Variants in ZFP62 observed in about 807,000 individuals in gnomAD.
ZFP62 encodes zinc finger protein 62 homolog.
A neutral mutation model predicts 56.4 loss-of-function variants in ZFP62; 44 were observed. That is an observed-to-expected ratio of 0.78 (90% CI 0.61 to 1.00). The LOEUF is 1.00. ZFP62 is among the 50% of genes least tolerant of loss of function. The pLI is 0.00. For synonymous variants in ZFP62, 421 were observed against 388.9 expected (o/e 1.08, Z -0.97); for missense variants, 1,030 against 1,085.7 (o/e 0.95, Z 0.72).
the ZFP62 span, among the ~76,000 whole-genome samples, chr5:180,842,189 C>G: frequency 2.6e-5 from 4 of 151,916 alleles, no homozygotes; most frequent in Admixed American, 2.0e-4. Context: ...CAGAATGAAG[C>G]CTGGGTAAGG....
At chr5:180,855,933 T>C (rs17141222) in intron 1 of ZFP62, among the ~76,000 whole-genome samples, 5,713 of 152,336 alleles carry the variant, frequency 0.038, 383 homozygotes, top group African/African-American at 0.13. Flanking sequence ...CTACTTACTG[T>C]GGCACCTAAA....
chr5:180,857,142 G>C (rs1488029942), intron 1 of ZFP62, among the ~76,000 whole-genome samples: 1 of 152,018 alleles, frequency 6.6e-6, no homozygotes, highest in Non-Finnish European at 1.5e-5. Context: ...GCAAAGACAA[G>C]GGCTGCAACC....
the ZFP62 span, among the ~76,000 whole-genome samples, chr5:180,839,037 A>G: frequency 4.6e-5 from 7 of 152,258 alleles, no homozygotes; most frequent in Admixed American, 1.3e-4. Context: ...TAAGTAAAGT[A>G]TGGTATAACT....
chr5:180,857,425 G>A (rs917667149), intron 1 of ZFP62, among the ~76,000 whole-genome samples: 1 of 152,202 alleles, frequency 6.6e-6, no homozygotes, highest in African/African-American at 2.4e-5. Flanking sequence ...ACCTCTGTTA[G>A]ATAATATCAA....
In ZFP62 at chr5:180,861,265, C is replaced by G; in HGVS notation, c.-46G>C. 7.5e-6 allele frequency: 3 copies of G among 397,560 alleles called. No individual in the cohort carries two copies. In the East Asian group the frequency reaches 1.1e-4, roughly 14 times the overall value. 24.6% of individuals were successfully genotyped at this position (397,560 alleles called of 1,614,324 possible). The stretch of plus-strand genomic sequence containing the variant: ...AACCCGGCCGCCAGCGGGACAAAAG[C>G]GCGGACCGCACGGCCGGAAGAACCC... On this transcript the variant is annotated 5_prime_UTR_variant, in exon 1 of 2. Transcript: ENST00000502412.
At chr5:180,827,732 T>C in the ZFP62 span, among the ~76,000 whole-genome samples, 2 of 152,150 alleles carry the variant, frequency 1.3e-5, no homozygotes, top group African/African-American at 4.8e-5. Flanking sequence ...GGCATGCCTC[T>C]TGCAGTTGAG....
rs1019450932 is a variant in ZFP62 at position 180,848,701 on chromosome 5, G to A, written c.*91C>T. ...CCTCTAGGATGGTTTCATTTACACT[G>A]TGTAAATTACAAGCCATGACCCCCT... On this transcript the variant is annotated 3_prime_UTR_variant, in exon 2 of 2. Transcript: ENST00000502412. 2 of 1,443,912 alleles carry A rather than the reference G, an allele frequency of 1.4e-6. No individual in the cohort carries two copies. The highest frequency in any genetic ancestry group is 1.8e-6 in the Non-Finnish European group (2 of 1,096,104). The allele number at this position is 1,443,912 out of a possible 1,614,324, so 89.4% of individuals were successfully genotyped here.
At position 180,847,784 on chromosome 5, in the gene ZFP62, A is replaced by T; in HGVS notation, c.*1008T>A. On this transcript the variant is annotated 3_prime_UTR_variant, in exon 2 of 2. Coordinates refer to ENST00000502412, the MANE Select transcript of ZFP62 (RefSeq NM_001172638.2). The stretch of plus-strand genomic sequence containing the variant: ...ACAATAACACATTCCAAAAACAATC[A>T]AACATTTAACAGGATTATTAAGAAA... 1.0e-6 allele frequency: 1 copy of T among 985,442 alleles called. No homozygotes were observed. The highest frequency in any genetic ancestry group is 1.2e-6 in the Non-Finnish European group (1 of 829,930). 61.0% of individuals were successfully genotyped at this position (985,442 alleles called of 1,614,324 possible). A position where few individuals can be genotyped will look rare whatever the true frequency, so the allele number is the denominator to read the frequency against.
chr5:180,850,504 G>A lies in ZFP62; in HGVS notation c.991C>T (p.His331Tyr). 1 of 1,552,798 alleles carries A rather than the reference G, an allele frequency of 6.4e-7. No homozygotes were observed. Among genetic ancestry groups the A allele is most frequent in the Non-Finnish European group, 8.7e-7 (1 of 1,147,570 alleles). Residue 331 changes from histidine (H) to tyrosine (Y), a missense_variant, in exon 2 of 2, where the codon CAC (histidine) becomes TAC (tyrosine). Coordinates refer to ENST00000502412, the MANE Select transcript of ZFP62 (RefSeq NM_001172638.2). ...CRTLLNHKSIHFGDKPYKCDE... is the reference protein window; with the variant it reads ...CRTLLNHKSIYFGDKPYKCDE... ...CATTTATAGGGTTTATCTCCAAAGT[G>A]GATGCTTTTATGGTTGAGAAGTGTT...
At chr5:180,832,827 G>A in the ZFP62 span, 1 of 152,196 alleles carries the variant, frequency 6.6e-6, no homozygotes. Flanking sequence ...AAACTCTGGG[G>A]CCCAGCAGCC....
In ZFP62 at chr5:180,848,525, TTGAAGATTTG is replaced by T. The variant is rs916987110; in HGVS notation, c.*257_*266del. 2 of 1,174,000 alleles carry T rather than the reference TTGAAGATTTG, an allele frequency of 1.7e-6. No individual in the cohort carries two copies. Among genetic ancestry groups the T allele is most frequent in the Non-Finnish European group, 2.1e-6 (2 of 949,740 alleles). The allele number at this position is 1,174,000 out of a possible 1,614,324, so 72.7% of individuals were successfully genotyped here. On this transcript the variant is annotated 3_prime_UTR_variant, in exon 2 of 2. Coordinates refer to ENST00000502412, the MANE Select transcript of ZFP62 (RefSeq NM_001172638.2). ...TTATGTCCAGAAATGTCTACTGATTTTGAAGATTTGCTTCACATTCCATCACTCAGATCTA... is the reference window on the plus strand; with the variant it reads ...TTATGTCCAGAAATGTCTACTGATTTCTTCACATTCCATCACTCAGATCTA...
intron 1 of ZFP62, among the ~76,000 whole-genome samples, chr5:180,856,796 TA>T (rs757010560): frequency 9.0e-4 from 133 of 147,430 alleles, no homozygotes; most frequent in Non-Finnish European, 1.5e-3. Context: ...CTACTAAAAA[TA>T]CAAAAAAATG....
the ZFP62 span, among the ~76,000 whole-genome samples, chr5:180,842,066 G>T: frequency 6.6e-6 from 1 of 152,084 alleles, no homozygotes; most frequent in East Asian, 1.9e-4. Context: ...GGAAGCAAAT[G>T]AAAAGTCTAT....
chr5:180,848,815 C>T lies in ZFP62; in HGVS notation c.2680G>A (p.Gly894Ser), dbSNP rs376564487. 37 of 1,538,006 alleles carry T rather than the reference C, an allele frequency of 2.4e-5. No individual in the cohort carries two copies. The East Asian group carries it at 3.4e-4, about 14-fold the overall frequency. ...TYEGGNALDG[G>S]RMRMPL Reference sequence around the variant, plus strand: ...TGCTACAGAGGCATCCTCATCCTGCCCCCATCCAGGGCATTCCCTCCCTCA... The same window carrying T: ...TGCTACAGAGGCATCCTCATCCTGCTCCCATCCAGGGCATTCCCTCCCTCA... Residue 894 changes from glycine (G) to serine (S), a missense_variant, in exon 2 of 2, where the codon GGC (glycine) becomes AGC (serine). Coordinates refer to ENST00000502412, the MANE Select transcript of ZFP62 (RefSeq NM_001172638.2).
Position 180,850,675 on chromosome 5 carries a change from T to A in ZFP62, c.820A>T (p.Ile274Phe). The A allele has an allele frequency of 6.3e-7, 1 of 1,594,986 alleles. No individual in the cohort carries two copies. The highest frequency in any genetic ancestry group is 8.5e-7 in the Non-Finnish European group (1 of 1,170,374). ...TCATAGGGCTTCTCCCCCGTGTGGA[T>A]CCTTTTGTGGACTCTGAGCCCAGAG... ...NSSGLRVHKR[I>F]HTGEKPYECD... Residue 274 changes from isoleucine (I) to phenylalanine (F), a missense_variant, in exon 2 of 2, where the codon ATC becomes TTC. Ile to Phe is a conservative substitution (Grantham distance 21). Transcript: ENST00000502412.
At chr5:180,834,971 A>C in the ZFP62 span, 2 of 152,102 alleles carry the variant, frequency 1.3e-5, no homozygotes, top group African/African-American at 4.8e-5. Flanking sequence ...CTACCACACA[A>C]AGACTGCCAT....
chr5:180,847,700 C>T lies in ZFP62; in HGVS notation c.*1092G>A, dbSNP rs1171777588. Reference sequence around the variant, plus strand: ...TGACAAAGAGAGAGTGAGCCCTGAACAAAGTATTCGTTAACATTTTACAAC... The same window carrying T: ...TGACAAAGAGAGAGTGAGCCCTGAATAAAGTATTCGTTAACATTTTACAAC... On this transcript the variant is annotated 3_prime_UTR_variant, in exon 2 of 2. Transcript: ENST00000502412. 1.3e-5 allele frequency: 13 copies of T among 985,442 alleles called. No individual in the cohort carries two copies. The highest frequency in any genetic ancestry group is 3.5e-5 in the African/African-American group (2 of 57,358). 61.0% of individuals were successfully genotyped at this position (985,442 alleles called of 1,614,324 possible). A position where few individuals can be genotyped will look rare whatever the true frequency, so the allele number is the denominator to read the frequency against.
At chr5:180,844,215 T>G (rs1773366599), downstream of ZFP62, among the ~76,000 whole-genome samples, 1 of 152,254 alleles carries the variant, frequency 6.6e-6, no homozygotes, top group Non-Finnish European at 1.5e-5. Flanking sequence ...TACAAAATTT[T>G]TATAAAGTAC....
downstream of ZFP62, among the ~76,000 whole-genome samples, chr5:180,844,680 C>A (rs1340335091): frequency 6.6e-6 from 1 of 152,224 alleles, no homozygotes; most frequent in Non-Finnish European, 1.5e-5. Context: ...AGCCCTTTTG[C>A]AGCCCGACAA....
Sources: gnomAD v4.1 joint callset for allele counts (sites outside exome capture counted in the v4.1 genomes callset) on GRCh38, gnomAD v4.1.1 for gene constraint, MANE v1.5 for transcripts, NCBI Gene and HGNC (gene_info 2026-07-23, HGNC 2026-07-21) for gene names.